GRM8: variants seen among roughly 807,000 people sequenced by gnomAD.
GRM8 encodes the protein glutamate metabotropic receptor 8.
Under a neutral mutation model 87.2 loss-of-function variants are expected in GRM8, and 47 were observed. The observed-to-expected ratio is 0.54, with a 90% CI of 0.43 to 0.69. The LOEUF (loss-of-function observed/expected upper bound fraction) is 0.69. GRM8 is among the 30% of genes least tolerant of loss of function. The pLI is 0.00. For synonymous variants in GRM8, 396 were observed against 404.5 expected, an observed-to-expected ratio of 0.98 and a Z score of 0.25; for missense variants, 1,019 against 1,139.2, an observed-to-expected ratio of 0.89 and a Z score of 1.52.
chr7:126,585,381 G>A (rs527797820), intron 8 of GRM8, among the ~76,000 whole-genome samples: 2 of 152,116 alleles, frequency 1.3e-5, no homozygotes, highest in South Asian at 2.1e-4. Context: ...TCTTCATAAG[G>A]TTTGTCCATT....
At chr7:126,605,197 C>A (rs1162037541) in intron 8 of GRM8, among the ~76,000 whole-genome samples, 1 of 152,042 alleles carries the variant, frequency 6.6e-6, no homozygotes, top group Non-Finnish European at 1.5e-5. Context: ...TTACTCTGAA[C>A]CTCTAGGTTA....
At chr7:126,746,980 T>C (rs1192997834) in intron 7 of GRM8, among the ~76,000 whole-genome samples, 2 of 151,958 alleles carry the variant, frequency 1.3e-5, no homozygotes, top group East Asian at 3.9e-4. Flanking sequence ...CATGCTAATA[T>C]GTTTTGCTTA....
chr7:126,857,961 G>A (rs1301259096), intron 6 of GRM8, among the ~76,000 whole-genome samples: 4 of 152,110 alleles, frequency 2.6e-5, no homozygotes, highest in Non-Finnish European at 4.4e-5. Context: ...GAAGGGGAAG[G>A]AAGGATAAAA....
At chr7:126,596,624 G>A (rs1372847203) in intron 8 of GRM8, among the ~76,000 whole-genome samples, 1 of 152,110 alleles carries the variant, frequency 6.6e-6, no homozygotes, top group Non-Finnish European at 1.5e-5. Flanking sequence ...ACAACATAAG[G>A]AATCCTTGCG....
intron 7 of GRM8, among the ~76,000 whole-genome samples, chr7:126,765,729 C>T (rs1818127579): frequency 6.6e-6 from 1 of 151,994 alleles, no homozygotes; most frequent in African/African-American, 2.4e-5. Context: ...ACATTTTGTT[C>T]AGATAGCAGC....
chr7:127,198,003 T>C (rs1795383170), intron 2 of GRM8, among the ~76,000 whole-genome samples: 1 of 152,192 alleles, frequency 6.6e-6, no homozygotes, highest in Non-Finnish European at 1.5e-5. Flanking sequence ...AAAGGACCTT[T>C]TGGTTTATCT....
At chr7:126,821,086 A>G (rs1794253591) in intron 6 of GRM8, among the ~76,000 whole-genome samples, 1 of 152,224 alleles carries the variant, frequency 6.6e-6, no homozygotes, top group South Asian at 2.1e-4. Flanking sequence ...TGGGCGACGG[A>G]GCAAGACTCT....
intron 3 of GRM8, among the ~76,000 whole-genome samples, chr7:126,989,057 A>G (rs975624912): frequency 1.1e-4 from 17 of 152,206 alleles, no homozygotes; most frequent in African/African-American, 3.9e-4. Context: ...TCCCAAACAT[A>G]TAAAACTATA....
intron 2 of GRM8, among the ~76,000 whole-genome samples, chr7:127,195,965 T>A (rs17864154): frequency 0.079 from 11,987 of 152,166 alleles, 708 homozygotes; most frequent in African/African-American, 0.17. Flanking sequence ...AATAAATGAA[T>A]GGATGGAAAA....
At chr7:127,100,737 C>T (rs1825159911) in intron 3 of GRM8, among the ~76,000 whole-genome samples, 1 of 152,118 alleles carries the variant, frequency 6.6e-6, no homozygotes, top group Non-Finnish European at 1.5e-5. Context: ...AGGGAAACCA[C>T]TCCCATGATT....
chr7:126,593,750 A>T (rs977216144), intron 8 of GRM8, among the ~76,000 whole-genome samples: 2 of 152,044 alleles, frequency 1.3e-5, no homozygotes, highest in African/African-American at 4.8e-5. Context: ...AAATGAGGGG[A>T]CTATACAAAA....
chr7:126,677,709 C>T (rs564921797), intron 7 of GRM8, among the ~76,000 whole-genome samples: 69 of 152,008 alleles, frequency 4.5e-4, no homozygotes, highest in African/African-American at 1.3e-3. Flanking sequence ...AGTTTTGAGG[C>T]GGAGAATGAG....
At chr7:126,550,235 C>A (rs987838240) in intron 8 of GRM8, among the ~76,000 whole-genome samples, 6 of 151,892 alleles carry the variant, frequency 4.0e-5, no homozygotes, top group African/African-American at 1.5e-4. Flanking sequence ...CTGCCTCAGT[C>A]CCCCGAGCAA....
chr7:127,212,865 G>A (rs1408267961), intron 2 of GRM8, among the ~76,000 whole-genome samples: 6 of 152,162 alleles, frequency 3.9e-5, no homozygotes, highest in African/African-American at 1.4e-4. Context: ...GATCTTTGAC[G>A]TAAATGTCAC....
chr7:126,524,503 T>C (rs757984853), intron 9 of GRM8, among the ~76,000 whole-genome samples: 1 of 152,194 alleles, frequency 6.6e-6, no homozygotes, highest in Non-Finnish European at 1.5e-5. Context: ...TTTACTAAGA[T>C]GTTTGGCCCT....
At chr7:127,207,055 G>A (rs993467731) in intron 2 of GRM8, among the ~76,000 whole-genome samples, 19 of 152,162 alleles carry the variant, frequency 1.2e-4, no homozygotes, top group Admixed American at 1.1e-3. Context: ...GATTCCCCAG[G>A]TTTCTGGCTT....
At chr7:127,208,958 C>T (rs2116616311) in intron 2 of GRM8, among the ~76,000 whole-genome samples, 1 of 152,320 alleles carries the variant, frequency 6.6e-6, no homozygotes, top group Non-Finnish European at 1.5e-5. Flanking sequence ...TTCCATTTCC[C>T]ACAGGAGCTT....
intron 3 of GRM8, among the ~76,000 whole-genome samples, chr7:127,002,565 T>C (rs901011835): frequency 2.0e-5 from 3 of 151,810 alleles, no homozygotes; most frequent in Middle Eastern, 3.4e-3. Context: ...ACCTCTGCCA[T>C]GGCTAGCTCT....
chr7:126,551,474 T>C (rs931319001), intron 8 of GRM8, among the ~76,000 whole-genome samples: 4 of 152,318 alleles, frequency 2.6e-5, no homozygotes, highest in African/African-American at 9.6e-5. Flanking sequence ...GCCTTAAACA[T>C]CATTGCTGTA....
Sources: allele counts gnomAD v4.1 joint callset (sites outside exome capture counted in the v4.1 genomes callset), GRCh38; gene constraint gnomAD v4.1.1; transcripts MANE v1.5; gene names NCBI Gene and HGNC (gene_info 2026-07-23, HGNC 2026-07-21).